The following SLCO3A1 variants were observed in gnomAD, a reference collection of about 807,000 sequenced individuals.
SLCO3A1 encodes solute carrier organic anion transporter family member 3A1.
In SLCO3A1, 27 loss-of-function variants were observed where a neutral mutation model predicts 63.1. That is an observed-to-expected ratio of 0.43 (90% CI 0.32 to 0.59). The LOEUF (loss-of-function observed/expected upper bound fraction) is 0.59. Ranked by LOEUF, SLCO3A1 falls within the 20% of genes least tolerant of loss-of-function variation. The pLI is 0.09. For missense variants in SLCO3A1, 773 were observed against 945.8 expected (o/e 0.82, Z 2.40); for synonymous variants, 473 against 409.9 (o/e 1.15, Z -1.86).
chr15:92,075,075 C>T (rs976052305), intron 2 of SLCO3A1, among the ~76,000 whole-genome samples: 1 of 152,164 alleles, frequency 6.6e-6, no homozygotes, highest in African/African-American at 2.4e-5. Flanking sequence ...CACCTGAATA[C>T]CCTTGGTGGT....
chr15:92,164,437 C>T lies in SLCO3A1; in HGVS notation c.*1302C>T. The T allele has an allele frequency of 1.0e-6, 1 of 985,416 alleles. No individual in the cohort carries two copies. The highest frequency in any genetic ancestry group is 1.2e-6 in the Non-Finnish European group (1 of 829,924). 61.0% of individuals were successfully genotyped at this position (985,416 alleles called of 1,614,324 possible). On this transcript the variant is annotated 3_prime_UTR_variant, in exon 10 of 10. Transcript: ENST00000318445. ...CCTTTTAGCTTCCTTCCCCATGATT[C>T]AGTGATCACTGTCACGGGAAACCCT... is the stretch of plus-strand genomic sequence containing the variant.
chr15:92,165,268 G>T lies in SLCO3A1; in HGVS notation c.*2133G>T, dbSNP rs184571998. ...AGTATGTCCTTGCTTATGAAAATGG[G>T]GACACTCATCAGTACGTTAACTACT... is the stretch of plus-strand genomic sequence containing the variant. On this transcript the variant is annotated 3_prime_UTR_variant, in exon 10 of 10. Coordinates refer to ENST00000318445, the MANE Select transcript of SLCO3A1 (RefSeq NM_013272.4). 9 of 985,228 alleles carry T rather than the reference G, an allele frequency of 9.1e-6. No individual in the cohort carries two copies. In the East Asian group the frequency reaches 9.1e-4, roughly 100 times the overall value. 61.0% of individuals were successfully genotyped at this position (985,228 alleles called of 1,614,324 possible). A position where few individuals can be genotyped will look rare whatever the true frequency, so the allele number is the denominator to read the frequency against.
intron 2 of SLCO3A1, among the ~76,000 whole-genome samples, chr15:92,072,216 T>C (rs2047224882): frequency 6.6e-6 from 1 of 151,760 alleles, no homozygotes; most frequent in African/African-American, 2.4e-5. Flanking sequence ...TTTTTTTTTT[T>C]CCTCACTGGC....
At chr15:91,953,065 T>C (rs1900051821) in intron 2 of SLCO3A1, among the ~76,000 whole-genome samples, 2 of 152,126 alleles carry the variant, frequency 1.3e-5, no homozygotes, top group African/African-American at 4.8e-5. Context: ...CCTCGGGAAA[T>C]AACCTGCTCA....
chr15:91,896,006 C>T (rs1897993886), intron 1 of SLCO3A1, among the ~76,000 whole-genome samples: 1 of 152,202 alleles, frequency 6.6e-6, no homozygotes, highest in Non-Finnish European at 1.5e-5. Flanking sequence ...AGCACTCAAC[C>T]TGTTTGTCAT....
At chr15:91,899,212 T>TA (rs1898087045) in intron 1 of SLCO3A1, among the ~76,000 whole-genome samples, 3 of 152,192 alleles carry the variant, frequency 2.0e-5, no homozygotes, top group Admixed American at 2.0e-4. Flanking sequence ...ACAATGTCTG[T>TA]AACCTCTGAT....
intron 2 of SLCO3A1, among the ~76,000 whole-genome samples, chr15:92,050,551 C>T (rs1434149814): frequency 1.3e-5 from 2 of 152,132 alleles, no homozygotes; most frequent in Non-Finnish European, 2.9e-5. Flanking sequence ...CCACATCTTA[C>T]GTGTCAGTAA....
intron 3 of SLCO3A1, among the ~76,000 whole-genome samples, chr15:92,102,730 A>G (rs2047621011): frequency 1.3e-5 from 2 of 152,252 alleles, no homozygotes; most frequent in East Asian, 1.9e-4. Flanking sequence ...CTTGCTACCT[A>G]CTGGAAGAGC....
In SLCO3A1 at chr15:91,975,636, G is replaced by C. The variant is rs185718166; in HGVS notation, c.646+59178G>C. ...ACCCTGCCAGCTTCTGTCTCCAGCA[G>C]ACAAGCTGCATCCAGGTACAACCTT... On this transcript the variant is annotated intron_variant, in intron 2 of 9. Transcript: ENST00000318445. Among the ~76,000 whole-genome samples the C allele has an allele frequency of 1.1e-3, 164 of 152,346 alleles. 1 individual carries two copies. The highest frequency in any genetic ancestry group is 4.3e-4 in the African/African-American group (18 of 41,582).
At chr15:92,063,711 A>G (rs1427449102) in intron 2 of SLCO3A1, among the ~76,000 whole-genome samples, 1 of 152,104 alleles carries the variant, frequency 6.6e-6, no homozygotes, top group Non-Finnish European at 1.5e-5. Flanking sequence ...TTAGCCAGGC[A>G]TGGTGGCGCG....
At chr15:92,149,242 C>CTAAATTAATCAGCCACA (rs2048272196) in intron 8 of SLCO3A1, 1 of 152,234 alleles carries the variant, frequency 6.6e-6, no homozygotes, top group Non-Finnish European at 1.5e-5. Flanking sequence ...TTGATTCCCT[C>CTAAATTAATCAGCCACA]TAAATTAATC....
chr15:92,016,578 G>A (rs571226797), intron 2 of SLCO3A1, among the ~76,000 whole-genome samples: 12 of 152,312 alleles, frequency 7.9e-5, no homozygotes, highest in African/African-American at 1.2e-4. Context: ...GGGACAAAGA[G>A]ATGGGACGCA....
At position 91,912,782 on chromosome 15, in the gene SLCO3A1, G is replaced by C. The variant is rs78466660; in HGVS notation, c.181-3211G>C. 0.07 allele frequency among the ~76,000 whole-genome samples: 10,667 copies of C among 152,148 alleles called. 543 individuals carry two copies. Among genetic ancestry groups the C allele is most frequent in the Non-Finnish European group, 0.11 (7,295 of 67,984 alleles). On this transcript the variant is annotated intron_variant, in intron 1 of 9. Transcript: ENST00000318445. The surrounding 1 kb of genome is among the most constrained non-coding windows in gnomAD (Gnocchi z 5.0). ...GACTGCTTCAGCCACCTCTCCGGGGGTGACTTTCTAGGGGACCCCACCCAG... is the reference window on the plus strand; with the variant it reads ...GACTGCTTCAGCCACCTCTCCGGGGCTGACTTTCTAGGGGACCCCACCCAG...
In SLCO3A1 at chr15:92,054,551, A is replaced by G. The variant is rs181478920; in HGVS notation, c.647-40330A>G. Among the ~76,000 whole-genome samples the G allele has an allele frequency of 3.6e-3, 542 of 152,240 alleles. 4 individuals carry two copies. The highest frequency in any genetic ancestry group is 0.012 in the African/African-American group (503 of 41,536). Reference sequence around the variant, plus strand: ...GGTGGTTTGCTGCACCTGTCAACCCATCCCCTAGGTATTAAGCCCCATATG... The same window carrying G: ...GGTGGTTTGCTGCACCTGTCAACCCGTCCCCTAGGTATTAAGCCCCATATG... On this transcript the variant is annotated intron_variant, in intron 2 of 9. Coordinates refer to ENST00000318445, the MANE Select transcript of SLCO3A1 (RefSeq NM_013272.4).
intron 2 of SLCO3A1, among the ~76,000 whole-genome samples, chr15:92,016,423 G>C (rs2046438370): frequency 6.6e-6 from 1 of 152,114 alleles, no homozygotes; most frequent in Non-Finnish European, 1.5e-5. Context: ...ACTCAGCTGG[G>C]ATTATAGACT....
At chr15:91,960,538 G>A (rs1415852912) in intron 2 of SLCO3A1, among the ~76,000 whole-genome samples, 3 of 152,314 alleles carry the variant, frequency 2.0e-5, no homozygotes, top group East Asian at 1.9e-4. Flanking sequence ...GTCCCAGATC[G>A]TCCTGTAGCT....
chr15:92,069,189 C>T (rs1007157585), intron 2 of SLCO3A1, among the ~76,000 whole-genome samples: 2 of 146,484 alleles, frequency 1.4e-5, no homozygotes, highest in African/African-American at 2.5e-5. Flanking sequence ...GAGGGTGCTA[C>T]CAGGATCTAA....
At chr15:92,135,190 C>T (rs183579553) in intron 7 of SLCO3A1, among the ~76,000 whole-genome samples, 50 of 152,248 alleles carry the variant, frequency 3.3e-4, no homozygotes, top group African/African-American at 1.1e-3. Context: ...TGGAGGGGCC[C>T]TGTGTTCCTT....
chr15:91,854,085 C>G lies in SLCO3A1; in HGVS notation c.177C>G (p.Tyr59Ter). 6.6e-7 allele frequency: 1 copy of G among 1,518,030 alleles called. No homozygotes were observed. Among genetic ancestry groups the G allele is most frequent in the Non-Finnish European group, 8.9e-7 (1 of 1,129,566 alleles). The allele number at this position is 1,518,030 out of a possible 1,614,324, so 94.0% of individuals were successfully genotyped here. The change falls in exon 1 of 10, where the codon TAC (tyrosine) becomes TAG (stop). Residue 59 changes from tyrosine (Y) to a stop codon, truncating the protein, a stop_gained. Coordinates refer to ENST00000318445, the MANE Select transcript of SLCO3A1 (RefSeq NM_013272.4). LOFTEE classifies it high-confidence loss of function. This position sits in a 1 kb window ranked among gnomAD's most constrained non-coding sequence, Gnocchi z 6.4. ...LMLAQGTVGA[Y>*]LVSVLTTLER... ...TGGCGCAGGGCACGGTGGGCGCCTA[C>G]CTGGTGAGTCCCCGAGCCAACTCCG... is the stretch of plus-strand genomic sequence containing the variant.
Sources: gnomAD v4.1 joint callset for allele counts (sites outside exome capture counted in the v4.1 genomes callset) on GRCh38, gnomAD v4.1.1 for gene constraint, Gnocchi (gnomAD v3.1) non-coding constraint, MANE v1.5 for transcripts, NCBI Gene and HGNC (gene_info 2026-07-23, HGNC 2026-07-21) for gene names.